Variants in ELK3 observed in about 807,000 individuals in gnomAD.
ELK3 encodes the protein ETS domain-containing protein Elk-3.
ELK3 carries 10 observed loss-of-function variants against 28.9 expected under a neutral mutation model. The observed-to-expected ratio is 0.35, with a 90% confidence interval of 0.21 to 0.59. The LOEUF (loss-of-function observed/expected upper bound fraction) is 0.59, where lower values mean the gene tolerates loss of function less well. ELK3 is among the 20% of genes least tolerant of loss of function. The probability of loss-of-function intolerance (pLI) is 0.82; values close to 1 mark genes in which losing one functional copy is unlikely to be tolerated. For synonymous variants in ELK3, 272 were observed against 243.5 expected (o/e 1.12, Z -1.09); for missense variants, 463 against 517.3 (o/e 0.90, Z 1.02).
At chr12:96,211,438 T>G (rs185177766) in intron 1 of ELK3, among the ~76,000 whole-genome samples, 129 of 150,620 alleles carry the variant, frequency 8.6e-4, no homozygotes, top group African/African-American at 3.1e-3. Context: ...GAAAGGTCCA[T>G]GGACCAAATA....
At chr12:96,237,756 C>T (rs56030827) in intron 2 of ELK3, among the ~76,000 whole-genome samples, 5,894 of 152,356 alleles carry the variant, frequency 0.039, 175 homozygotes, top group Non-Finnish European at 0.06. Flanking sequence ...ATAGCCACTG[C>T]ATTCCAGCCT....
intron 2 of ELK3, among the ~76,000 whole-genome samples, chr12:96,225,548 C>T (rs1048470660): frequency 6.6e-6 from 1 of 152,234 alleles, no homozygotes; most frequent in Non-Finnish European, 1.5e-5. Context: ...ACTTCTTCCC[C>T]TTGTCTCCTT....
chr12:96,204,895 G>A (rs1029704766), intron 1 of ELK3, among the ~76,000 whole-genome samples: 6 of 152,204 alleles, frequency 3.9e-5, no homozygotes, highest in Non-Finnish European at 5.9e-5. Flanking sequence ...TGGAAGGCTC[G>A]CCTTTAGAGG....
In ELK3 at chr12:96,239,607, G is replaced by A. The variant is rs114792787; in HGVS notation, c.208-7333G>A. Among the ~76,000 whole-genome samples the A allele has an allele frequency of 2.3e-3, 351 of 152,268 alleles. 1 individual carries two copies. The highest frequency in any genetic ancestry group is 7.5e-3 in the African/African-American group (311 of 41,536). ...CTTTCTCTGTACTGGTTCCTTTCAC[G>A]TAGGGTATCTACCACGATAAAATGA... is the stretch of plus-strand genomic sequence containing the variant. On this transcript the variant is annotated intron_variant, in intron 2 of 4. Coordinates refer to ENST00000228741, the MANE Select transcript of ELK3 (RefSeq NM_005230.4).
chr12:96,246,841 A>G, intron 2 of ELK3, 99 bp from the exon 3 acceptor site: 1 of 1,266,438 alleles, frequency 7.9e-7, no homozygotes. Flanking sequence ...AATCAGGAAC[A>G]TTTTGGTGCT....
intron 2 of ELK3, among the ~76,000 whole-genome samples, chr12:96,242,703 C>G (rs769844672): frequency 6.6e-6 from 1 of 152,170 alleles, no homozygotes; most frequent in Non-Finnish European, 1.5e-5. Flanking sequence ...CAGCTCCCCT[C>G]GTCTAGCAGA....
Position 96,269,121 on chromosome 12 carries a change from C to G in ELK3, c.*1941C>G, listed in dbSNP as rs1037605787. 6.6e-6 allele frequency: 1 copy of G among 152,198 alleles called. No individual in the cohort carries two copies. Among genetic ancestry groups the G allele is most frequent in the African/African-American group, 2.4e-5 (1 of 41,440 alleles). 9.4% of individuals were successfully genotyped at this position (152,198 alleles called of 1,614,324 possible). ...GGGAGTTGCCTATGGCTGCACAGCT[C>G]ACTGAAGGTAGAACAATGATTGGTG... On this transcript the variant is annotated 3_prime_UTR_variant, in exon 5 of 5. Coordinates refer to ENST00000228741, the MANE Select transcript of ELK3 (RefSeq NM_005230.4).
rs1209594976 is a variant in ELK3 at position 96,237,656 on chromosome 12, C to G, written c.208-9284C>G. Among the ~76,000 whole-genome samples the G allele has an allele frequency of 2.0e-5, 3 of 152,330 alleles. 1 individual carries two copies. Among genetic ancestry groups the G allele is most frequent in the Middle Eastern group, 6.8e-3 (2 of 294 alleles). On this transcript the variant is annotated intron_variant, in intron 2 of 4. Coordinates refer to ENST00000228741, the MANE Select transcript of ELK3 (RefSeq NM_005230.4). Reference sequence around the variant, plus strand: ...GAAAGCCAGGTGTGGTGGCTTGAACCTATAGTCCCAGCTACTTGGGAGGCT... The same window carrying G: ...GAAAGCCAGGTGTGGTGGCTTGAACGTATAGTCCCAGCTACTTGGGAGGCT...
chr12:96,209,657 C>A (rs1048670912), intron 1 of ELK3, among the ~76,000 whole-genome samples: 1 of 152,142 alleles, frequency 6.6e-6, no homozygotes, highest in African/African-American at 2.4e-5. Context: ...CATTTTCTTA[C>A]ATTGACAACC....
intron 2 of ELK3, among the ~76,000 whole-genome samples, chr12:96,227,832 TGTAAAGTGG>T (rs1951714695): frequency 6.6e-6 from 1 of 152,192 alleles, no homozygotes. Context: ...CTTCCTTTTC[TGTAAAGTGG>T]GTATAATAGT....
At chr12:96,256,427 G>C (rs1344520866) in intron 3 of ELK3, among the ~76,000 whole-genome samples, 1 of 152,124 alleles carries the variant, frequency 6.6e-6, no homozygotes, top group Non-Finnish European at 1.5e-5. Flanking sequence ...CGGTGGTCCT[G>C]TTGACAGAAG....
At chr12:96,227,707 C>G (rs12820932) in intron 2 of ELK3, among the ~76,000 whole-genome samples, 64,432 of 152,016 alleles carry the variant, frequency 0.42, 13,925 homozygotes, top group Middle Eastern at 0.54. Context: ...TTCTTTTCCT[C>G]CCCTCTCAGA....
At chr12:96,195,735 T>G (rs1951460272) in intron 1 of ELK3, among the ~76,000 whole-genome samples, 1 of 152,212 alleles carries the variant, frequency 6.6e-6, no homozygotes, top group Non-Finnish European at 1.5e-5. Context: ...GCGCTTCCGC[T>G]TTGAAACTGG....
At chr12:96,206,778 C>T (rs561522631) in intron 1 of ELK3, among the ~76,000 whole-genome samples, 12 of 152,234 alleles carry the variant, frequency 7.9e-5, no homozygotes, top group African/African-American at 1.2e-4. Context: ...TTAAGGGCAG[C>T]GAGGATGCTT....
chr12:96,210,207 G>A (rs1297406391), intron 1 of ELK3, among the ~76,000 whole-genome samples: 1 of 152,178 alleles, frequency 6.6e-6, no homozygotes, highest in East Asian at 1.9e-4. Flanking sequence ...AAGACAGTTT[G>A]TAAGATCCTA....
At chr12:96,196,149 C>A (rs138123615) in intron 1 of ELK3, among the ~76,000 whole-genome samples, 56 of 152,338 alleles carry the variant, frequency 3.7e-4, no homozygotes, top group African/African-American at 1.3e-3. Flanking sequence ...GGAGTTTCCG[C>A]TGCTCGGCAC....
chr12:96,231,674 G>A (rs778645791), intron 2 of ELK3, among the ~76,000 whole-genome samples: 11 of 152,178 alleles, frequency 7.2e-5, no homozygotes, highest in Non-Finnish European at 1.3e-4. Flanking sequence ...TGTATTTTTA[G>A]TAGAGATGGG....
At chr12:96,211,313 G>C (rs1210916439) in intron 1 of ELK3, among the ~76,000 whole-genome samples, 1 of 152,118 alleles carries the variant, frequency 6.6e-6, no homozygotes, top group African/African-American at 2.4e-5. Context: ...CGTTTTCTTA[G>C]AACAGTGCTC....
At chr12:96,199,949 AG>A (rs1480450646) in intron 1 of ELK3, among the ~76,000 whole-genome samples, 1 of 152,164 alleles carries the variant, frequency 6.6e-6, no homozygotes, top group Non-Finnish European at 1.5e-5. Context: ...TATGACACAT[AG>A]TGTCATAAAT....
Sources: gnomAD v4.1 joint callset for allele counts (sites outside exome capture counted in the v4.1 genomes callset) on GRCh38, gnomAD v4.1.1 for gene constraint, MANE v1.5 for transcripts, NCBI Gene and HGNC (gene_info 2026-07-23, HGNC 2026-07-21) for gene names.